The following NCEH1 variants were observed in gnomAD, a reference collection of about 807,000 sequenced individuals.
NCEH1 encodes neutral cholesterol ester hydrolase 1.
NCEH1 carries 9 observed loss-of-function variants against 25.4 expected under a neutral mutation model. The ratio of observed to expected loss-of-function variants is 0.35; its 90% CI spans 0.21 to 0.62. The LOEUF (loss-of-function observed/expected upper bound fraction) is 0.62. Among genes scored for constraint, NCEH1 ranks in the 20% least tolerant of loss-of-function variants. NCEH1 has a pLI of 0.72. For missense variants in NCEH1, 412 were observed against 501.1 expected (o/e 0.82, Z 1.70); for synonymous variants, 200 against 199.8 (o/e 1.00, Z -0.01).
Position 172,648,341 on chromosome 3 carries a change from G to A in NCEH1, c.139-227C>T, listed in dbSNP as rs540750963. Among the ~76,000 whole-genome samples the A allele has an allele frequency of 3.3e-5, 5 of 152,220 alleles. No individual in the cohort carries two copies. The South Asian group carries it at 1.0e-3, about 32-fold the overall frequency. The stretch of plus-strand genomic sequence containing the variant: ...GGTATCATCAGTCCCATTTTATTGA[G>A]AAGGCTTAAACAATAACTATGCTTG... On this transcript the variant is annotated intron_variant, in intron 1 of 4. Transcript: ENST00000475381.
chr3:172,682,742 G>GT (rs1712456019), intron 1 of NCEH1, among the ~76,000 whole-genome samples: 1 of 152,194 alleles, frequency 6.6e-6, no homozygotes, highest in Non-Finnish European at 1.5e-5. Flanking sequence ...AACAAAATGT[G>GT]TAAGTATGAA....
intron 3 of NCEH1, among the ~76,000 whole-genome samples, chr3:172,644,856 G>T (rs966558050): frequency 6.6e-6 from 1 of 152,054 alleles, no homozygotes; most frequent in African/African-American, 2.4e-5. Flanking sequence ...AACATAATAA[G>T]TCAAATATGT....
At chr3:172,700,443 G>A (rs947655396) in intron 1 of NCEH1, among the ~76,000 whole-genome samples, 2 of 152,150 alleles carry the variant, frequency 1.3e-5, no homozygotes, top group Non-Finnish European at 2.9e-5. Context: ...CAGCAGGGAG[G>A]GCATGAAACT....
chr3:172,673,647 G>C (rs751290621), intron 1 of NCEH1, among the ~76,000 whole-genome samples: 16 of 152,186 alleles, frequency 1.1e-4, no homozygotes, highest in Non-Finnish European at 1.5e-4. Flanking sequence ...GGGATGTATT[G>C]TAGGGAACAC....
intron 1 of NCEH1, among the ~76,000 whole-genome samples, chr3:172,686,225 A>G (rs1446144618): frequency 1.3e-5 from 2 of 152,206 alleles, no homozygotes; most frequent in Non-Finnish European, 2.9e-5. Context: ...CATCCTTGAC[A>G]TGAGTAACCA....
At chr3:172,658,050 A>G (rs1717782941) in intron 1 of NCEH1, among the ~76,000 whole-genome samples, 1 of 152,188 alleles carries the variant, frequency 6.6e-6, no homozygotes, top group Admixed American at 6.5e-5. Flanking sequence ...AAGTCACAGG[A>G]TGAGACAGGA....
intron 1 of NCEH1, among the ~76,000 whole-genome samples, chr3:172,654,002 G>A (rs1560186852): frequency 6.6e-6 from 1 of 151,974 alleles, no homozygotes; most frequent in Admixed American, 6.6e-5. Context: ...TGATCCTCCC[G>A]CCTTGGCCTC....
chr3:172,660,031 G>A (rs949239890), intron 1 of NCEH1, among the ~76,000 whole-genome samples: 1 of 150,638 alleles, frequency 6.6e-6, no homozygotes, highest in Non-Finnish European at 1.5e-5. Context: ...TGTGCACAAC[G>A]TGCAAGTTTG....
At chr3:172,673,019 G>T (rs1245813475) in intron 1 of NCEH1, among the ~76,000 whole-genome samples, 3 of 152,150 alleles carry the variant, frequency 2.0e-5, no homozygotes, top group African/African-American at 7.2e-5. Context: ...TCATAGCATA[G>T]GAGCCCCAGG....
At chr3:172,653,764 T>TTTGTTTTTTG (rs1307879188) in intron 1 of NCEH1, among the ~76,000 whole-genome samples, 3 of 48,158 alleles carry the variant, frequency 6.2e-5, no homozygotes, top group African/African-American at 1.8e-4. Context: ...TTTTTTGTTT[T>TTTGTTTTTTG]TTTTTTTTTT....
At chr3:172,699,053 T>C (rs1233176581) in intron 1 of NCEH1, among the ~76,000 whole-genome samples, 2 of 152,028 alleles carry the variant, frequency 1.3e-5, no homozygotes, top group South Asian at 2.1e-4. Flanking sequence ...AGTAGCAACA[T>C]AAGCAACATC....
At chr3:172,652,064 A>T (rs1577061094) in intron 1 of NCEH1, among the ~76,000 whole-genome samples, 1 of 152,308 alleles carries the variant, frequency 6.6e-6, no homozygotes, top group African/African-American at 2.4e-5. Flanking sequence ...AGGTCTGTGG[A>T]ATCTGAAGCA....
intron 1 of NCEH1, among the ~76,000 whole-genome samples, chr3:172,655,713 A>G (rs1051456152): frequency 5.9e-5 from 9 of 152,226 alleles, no homozygotes; most frequent in Admixed American, 5.9e-4. Context: ...CTCTACTCCA[A>G]CCCAACTCTG....
intron 3 of NCEH1, among the ~76,000 whole-genome samples, chr3:172,636,931 C>T (rs975937284): frequency 1.6e-4 from 25 of 152,122 alleles, no homozygotes; most frequent in Non-Finnish European, 1.8e-4. Flanking sequence ...TTAATTCTCA[C>T]TCATCCTTTA....
chr3:172,664,397 T>C (rs1208753128), intron 1 of NCEH1, among the ~76,000 whole-genome samples: 1 of 152,222 alleles, frequency 6.6e-6, no homozygotes, highest in Non-Finnish European at 1.5e-5. Context: ...TTGACATTTT[T>C]TTCTTCATTT....
At chr3:172,660,811 T>G (rs1717940376) in intron 1 of NCEH1, among the ~76,000 whole-genome samples, 1 of 152,230 alleles carries the variant, frequency 6.6e-6, no homozygotes, top group Non-Finnish European at 1.5e-5. Flanking sequence ...TCACCCACTT[T>G]TTGATGGGAT....
At chr3:172,654,328 T>C (rs533396743) in intron 1 of NCEH1, among the ~76,000 whole-genome samples, 2 of 152,292 alleles carry the variant, frequency 1.3e-5, no homozygotes. Flanking sequence ...CAAAAGATTG[T>C]TGTGAAGACT....
chr3:172,678,321 C>T (rs1712132389), intron 1 of NCEH1, among the ~76,000 whole-genome samples: 3 of 152,184 alleles, frequency 2.0e-5, no homozygotes, highest in Admixed American at 6.5e-5. Context: ...CTCAGTCCCT[C>T]CTTGGCCTGA....
chr3:172,655,686 C>T (rs933104799), intron 1 of NCEH1, among the ~76,000 whole-genome samples: 6 of 152,240 alleles, frequency 3.9e-5, no homozygotes, highest in Non-Finnish European at 7.3e-5. Flanking sequence ...CATATCTTCA[C>T]TTGCTGAGGC....
Sources: allele counts gnomAD v4.1 joint callset (sites outside exome capture counted in the v4.1 genomes callset), GRCh38; gene constraint gnomAD v4.1.1; transcripts MANE v1.5; gene names NCBI Gene and HGNC (gene_info 2026-07-23, HGNC 2026-07-21).